KCNH1: variants seen among roughly 807,000 people sequenced by gnomAD.
The protein encoded by KCNH1 is voltage-gated delayed rectifier potassium channel KCNH1.
Under a neutral mutation model 69.2 loss-of-function variants are expected in KCNH1, and 27 were observed. That is an observed-to-expected ratio of 0.39 (90% CI 0.29 to 0.54). The LOEUF (loss-of-function observed/expected upper bound fraction) is 0.54, where lower values mean the gene tolerates loss of function less well. Among genes scored for constraint, KCNH1 ranks in the 20% least tolerant of loss-of-function variants. KCNH1 has a pLI of 0.68. For missense variants in KCNH1, 798 were observed against 1,261.6 expected (o/e 0.63, Z 5.57); for synonymous variants, 456 against 487.7 (o/e 0.93, Z 0.86).
At chr1:211,086,129 C>CA (rs1335158834) in intron 4 of KCNH1, among the ~76,000 whole-genome samples, 1 of 152,196 alleles carries the variant, frequency 6.6e-6, no homozygotes, top group Non-Finnish European at 1.5e-5. Flanking sequence ...TAGCACCTAG[C>CA]ACGAGGCTAG....
intron 10 of KCNH1, among the ~76,000 whole-genome samples, chr1:210,711,953 G>C (rs1043389723): frequency 2.0e-5 from 3 of 152,204 alleles, no homozygotes; most frequent in Non-Finnish European, 4.4e-5. Context: ...GGTGGCCACA[G>C]TCCCACATAT....
intron 6 of KCNH1, among the ~76,000 whole-genome samples, chr1:210,980,212 G>T (rs80330071): frequency 6.6e-6 from 1 of 152,264 alleles, no homozygotes; most frequent in African/African-American, 2.4e-5. Flanking sequence ...AACTAGACAA[G>T]GTATATGAGC....
At chr1:211,010,462 T>C (rs750523047) in intron 6 of KCNH1, among the ~76,000 whole-genome samples, 1 of 152,182 alleles carries the variant, frequency 6.6e-6, no homozygotes, top group Non-Finnish European at 1.5e-5. Flanking sequence ...TAGGATTCTT[T>C]ATCACTGGAC....
intron 5 of KCNH1, among the ~76,000 whole-genome samples, chr1:211,026,680 C>T (rs1689690658): frequency 1.3e-5 from 2 of 152,188 alleles, no homozygotes; most frequent in South Asian, 4.1e-4. Context: ...CCACACAATG[C>T]CACCTCCACC....
At position 211,133,757 on chromosome 1, in the gene KCNH1, A is replaced by G; in HGVS notation, c.79+110T>C. ...CTGGGTGCCCGCGCCGCGGCTCCTT[A>G]GCAGAGCTCGCGGGTTCTGCTGCAT... On this transcript the variant is annotated intron_variant, in intron 1 of 10. Transcript: ENST00000271751. This position sits in a 1 kb window ranked among gnomAD's most constrained non-coding sequence, Gnocchi z 5.4. The G allele has an allele frequency of 9.6e-7, 1 of 1,040,876 alleles. No homozygotes were observed. Among genetic ancestry groups the G allele is most frequent in the African/African-American group, 1.6e-5 (1 of 61,634 alleles). 64.5% of individuals were successfully genotyped at this position (1,040,876 alleles called of 1,614,324 possible).
At chr1:210,942,794 A>G (rs907631931) in intron 6 of KCNH1, among the ~76,000 whole-genome samples, 3 of 152,184 alleles carry the variant, frequency 2.0e-5, no homozygotes, top group African/African-American at 7.2e-5. Context: ...GATATCTGAA[A>G]TAATGAAAAC....
At chr1:210,902,812 ACT>A (rs1687023757) in intron 7 of KCNH1, among the ~76,000 whole-genome samples, 1 of 152,054 alleles carries the variant, frequency 6.6e-6, no homozygotes, top group Non-Finnish European at 1.5e-5. Context: ...TCAGACAATC[ACT>A]GTTTCTCCAC....
rs1187754589 is a variant in KCNH1 at position 210,917,229 on chromosome 1, G to GAGAAAGAAAGAA, written c.1462+2399_1462+2410dup. ...GGACAGAGAGAGAGAGAGAGAGAGAGAGAAAGAAAGAAAGAAAGAAAGAAA... is the reference window on the plus strand; with the variant it reads ...GGACAGAGAGAGAGAGAGAGAGAGAGAGAAAGAAAGAAAGAAAGAAAGAAAGAAAGAAAGAAA... On this transcript the variant is annotated intron_variant, in intron 7 of 10. Coordinates refer to ENST00000271751, the MANE Select transcript of KCNH1 (RefSeq NM_172362.3). 5.0e-3 allele frequency among the ~76,000 whole-genome samples: 393 copies of GAGAAAGAAAGAA among 78,840 alleles called. 4 individuals are homozygous for GAGAAAGAAAGAA. The highest frequency in any genetic ancestry group is 7.1e-3 in the Admixed American group (47 of 6,622). The allele number at this position is 78,840 out of a possible 152,430, so 51.7% of individuals were successfully genotyped here.
In KCNH1 at chr1:211,060,133, C is replaced by CAGCG. The variant is rs764004249; in HGVS notation, c.558+22643_558+22646dup. Among the ~76,000 whole-genome samples the CAGCG allele has an allele frequency of 5.9e-5, 9 of 151,822 alleles. No homozygotes were observed. In the East Asian group the frequency reaches 7.7e-4, roughly 13 times the overall value. The stretch of plus-strand genomic sequence containing the variant: ...ATTTAAAAATATGCTCCTAAATGAT[C>CAGCG]AGCGGGTCAATGAAGAAATGAAGAA... On this transcript the variant is annotated intron_variant, in intron 5 of 10. Coordinates refer to ENST00000271751, the MANE Select transcript of KCNH1 (RefSeq NM_172362.3).
chr1:210,956,882 T>C (rs1451508004), intron 6 of KCNH1, among the ~76,000 whole-genome samples: 1 of 152,172 alleles, frequency 6.6e-6, no homozygotes, highest in African/African-American at 2.4e-5. Flanking sequence ...TTCATTGATT[T>C]TTTTGAAGGA....
intron 6 of KCNH1, among the ~76,000 whole-genome samples, chr1:210,989,723 T>C (rs1203865328): frequency 6.6e-6 from 1 of 152,218 alleles, no homozygotes; most frequent in Non-Finnish European, 1.5e-5. Context: ...CCATCGGGGC[T>C]CTCAGGATAA....
At chr1:210,949,874 C>T (rs1476930210) in intron 6 of KCNH1, among the ~76,000 whole-genome samples, 2 of 152,226 alleles carry the variant, frequency 1.3e-5, no homozygotes, top group Middle Eastern at 3.4e-3. Flanking sequence ...TAACATTATA[C>T]GAAGATGCTA....
chr1:210,834,128 G>T (rs1354309876), intron 7 of KCNH1, among the ~76,000 whole-genome samples: 1 of 152,018 alleles, frequency 6.6e-6, no homozygotes, highest in Non-Finnish European at 1.5e-5. Context: ...TCAGTGTGGC[G>T]ATTCCTCAGG....
chr1:211,035,863 T>A (rs1388918631), intron 5 of KCNH1, among the ~76,000 whole-genome samples: 1 of 152,212 alleles, frequency 6.6e-6, no homozygotes, highest in Admixed American at 6.5e-5. Context: ...AAATGACTAT[T>A]CATATTCCTC....
intron 10 of KCNH1, among the ~76,000 whole-genome samples, chr1:210,717,822 T>G (rs1185705587): frequency 6.6e-6 from 1 of 152,106 alleles, no homozygotes; most frequent in Non-Finnish European, 1.5e-5. Flanking sequence ...ATAGGTAAAA[T>G]TGGCTGAGTG....
chr1:210,766,546 G>A (rs2102358515), intron 10 of KCNH1, among the ~76,000 whole-genome samples: 1 of 152,252 alleles, frequency 6.6e-6, no homozygotes, highest in East Asian at 1.9e-4. Flanking sequence ...GAAGTATAAT[G>A]AGAGCTACAA....
intron 5 of KCNH1, among the ~76,000 whole-genome samples, chr1:211,080,225 C>T (rs1031934187): frequency 6.6e-6 from 1 of 152,072 alleles, no homozygotes; most frequent in Non-Finnish European, 1.5e-5. Context: ...ACAATTGCTT[C>T]AAAGAGAATA....
chr1:211,104,091 A>T (rs754308416), intron 2 of KCNH1, among the ~76,000 whole-genome samples: 1 of 152,246 alleles, frequency 6.6e-6, no homozygotes, highest in Non-Finnish European at 1.5e-5. Flanking sequence ...CCAGACCCTG[A>T]TTATAGTTCA....
intron 6 of KCNH1, among the ~76,000 whole-genome samples, chr1:210,985,428 A>T (rs1202371594): frequency 6.6e-6 from 1 of 152,164 alleles, no homozygotes; most frequent in Non-Finnish European, 1.5e-5. Context: ...GTAGTGCTAT[A>T]AATTTCCCTC....
Sources: gnomAD v4.1 joint callset for allele counts (sites outside exome capture counted in the v4.1 genomes callset) on GRCh38, gnomAD v4.1.1 for gene constraint, Gnocchi (gnomAD v3.1) non-coding constraint, MANE v1.5 for transcripts, NCBI Gene and HGNC (gene_info 2026-07-23, HGNC 2026-07-21) for gene names.